Variants in SBNO1 observed in about 807,000 individuals in gnomAD.
SBNO1 encodes strawberry notch homolog 1.
In SBNO1, 23 loss-of-function variants were observed where a neutral mutation model predicts 173.6. The observed-to-expected ratio is 0.13, with a 90% CI of 0.10 to 0.19. SBNO1 has a LOEUF of 0.19. Ranked by LOEUF, SBNO1 falls within the 10% of genes least tolerant of loss-of-function variation. The pLI is 1.00. For synonymous variants in SBNO1, 632 were observed against 571.5 expected, an observed-to-expected ratio of 1.11 and a Z score of -1.51; for missense variants, 1,238 against 1,671.2, an observed-to-expected ratio of 0.74 and a Z score of 4.52.
intron 29 of SBNO1, among the ~76,000 whole-genome samples, chr12:123,304,245 T>G (rs1250840929): frequency 6.6e-6 from 1 of 151,750 alleles, no homozygotes; most frequent in Non-Finnish European, 1.5e-5. Flanking sequence ...TAAGTATTCT[T>G]TTTTTTGAGA....
At position 123,320,710 on chromosome 12, in the gene SBNO1, T is replaced by A; in HGVS notation, c.2480A>T (p.Asn827Ile). The A allele has an allele frequency of 6.2e-7, 1 of 1,607,572 alleles. No individual in the cohort carries two copies. Among genetic ancestry groups the A allele is most frequent in the Non-Finnish European group, 8.5e-7 (1 of 1,178,318 alleles). Residue 827 changes from asparagine (N) to isoleucine (I), a missense_variant, in exon 18 of 32, where the codon AAC becomes ATC. This residue lies in a region of SBNO1 where 74 missense variants were observed against 68.5 expected (regional missense o/e 1.08). Transcript: ENST00000602398. ...SSTPVISPAPNSTPANSNTNS... is the reference protein window; with the variant it reads ...SSTPVISPAPISTPANSNTNS... ...TTCTGTATGGATACCTGGTGTACTG[T>A]TAGGAGCAGGTGAGATAACTGGTGT...
intron 1 of SBNO1, among the ~76,000 whole-genome samples, chr12:123,353,379 C>T (rs961445248): frequency 2.0e-5 from 3 of 152,114 alleles, no homozygotes; most frequent in South Asian, 2.1e-4. Flanking sequence ...CTCCCAAAAT[C>T]CACGAAGTTT....
intron 24 of SBNO1, among the ~76,000 whole-genome samples, chr12:123,312,300 T>C (rs549198646): frequency 6.2e-4 from 94 of 152,308 alleles, no homozygotes; most frequent in African/African-American, 2.0e-3. Context: ...GTTAAGACTT[T>C]ACTGCTTTTG....
At chr12:123,303,922 CT>C (rs11413728) in intron 29 of SBNO1, among the ~76,000 whole-genome samples, 77 of 100,458 alleles carry the variant, frequency 7.7e-4, no homozygotes, top group African/African-American at 2.4e-3. Context: ...AATAAGTATT[CT>C]TTTTTTTTTT....
At chr12:123,322,809 G>A (rs1870141751) in intron 16 of SBNO1, among the ~76,000 whole-genome samples, 1 of 151,496 alleles carries the variant, frequency 6.6e-6, no homozygotes, top group Non-Finnish European at 1.5e-5. Context: ...GAACCCAGGA[G>A]GCAGAGGTTG....
At chr12:123,354,743 A>G (rs1874241012) in intron 1 of SBNO1, among the ~76,000 whole-genome samples, 1 of 152,212 alleles carries the variant, frequency 6.6e-6, no homozygotes, top group African/African-American at 2.4e-5. Context: ...AAATACTGTT[A>G]GGTACAAGAG....
Position 123,327,181 on chromosome 12 carries a change from T to C in SBNO1, c.1692+245A>G, listed in dbSNP as rs148870929. On this transcript the variant is annotated intron_variant, in intron 13 of 31. Transcript: ENST00000602398. The stretch of plus-strand genomic sequence containing the variant: ...ACCACCATGCCCAGCTAATTTTTTT[T>C]CGTATTTTTAGTAGAGATGAGGTTT... Among the ~76,000 whole-genome samples, 470 of 151,984 alleles carry C rather than the reference T, an allele frequency of 3.1e-3. 1 individual carries two copies. Among genetic ancestry groups the C allele is most frequent in the African/African-American group, 0.011 (455 of 41,442 alleles).
chr12:123,337,563 T>G (rs915325377), intron 5 of SBNO1, among the ~76,000 whole-genome samples: 1 of 152,124 alleles, frequency 6.6e-6, no homozygotes, highest in Non-Finnish European at 1.5e-5. Flanking sequence ...GGAAAAGAAG[T>G]GGGACATAAC....
chr12:123,320,334 A>C, intron 19 of SBNO1, 98 bp downstream of exon 19: 2 of 1,182,370 alleles, frequency 1.7e-6, no homozygotes, highest in Non-Finnish European at 2.4e-6. Flanking sequence ...TCTATGATCT[A>C]AGAAATTTAG....
chr12:123,307,020 T>TAAAAAAAAAAAAAA (rs34105162), intron 28 of SBNO1, among the ~76,000 whole-genome samples: 1 of 64,432 alleles, frequency 1.6e-5, no homozygotes, highest in East Asian at 7.3e-4. Context: ...TCAACTGCAT[T>TAAAAAAAAAAAAAA]AAAAAAAAAA....
In SBNO1 at chr12:123,289,193, G is replaced by T. The variant is rs1487094854; in HGVS notation, c.*6715C>A. On this transcript the variant is annotated 3_prime_UTR_variant, in exon 32 of 32. Transcript: ENST00000602398. ...ACAACAGAAAAAAAAACTAAATACA[G>T]AATTTGTTACGCTTCACGGTTGATC... The T allele has an allele frequency of 1.3e-5, 2 of 152,086 alleles. No homozygotes were observed. Among genetic ancestry groups the T allele is most frequent in the Non-Finnish European group, 2.9e-5 (2 of 68,014 alleles). The allele number at this position is 152,086 out of a possible 1,614,324, so 9.4% of individuals were successfully genotyped here. A position where few individuals can be genotyped will look rare whatever the true frequency, so the allele number is the denominator to read the frequency against.
chr12:123,300,981 A>C (rs1425039499), intron 30 of SBNO1, among the ~76,000 whole-genome samples: 1 of 121,606 alleles, frequency 8.2e-6, no homozygotes, highest in Admixed American at 8.2e-5. Flanking sequence ...AAAAAAAAAC[A>C]AAAAAAAAAC....
In SBNO1 at chr12:123,290,112, A is replaced by T. The variant is rs1385954229; in HGVS notation, c.*5796T>A. Reference sequence around the variant, plus strand: ...CTGCACTAAGGGGCAGTCTTGCTGGACGGTGCCCTGCCACGTTGCGGCAGC... The same window carrying T: ...CTGCACTAAGGGGCAGTCTTGCTGGTCGGTGCCCTGCCACGTTGCGGCAGC... On this transcript the variant is annotated 3_prime_UTR_variant, in exon 32 of 32. Coordinates refer to ENST00000602398, the MANE Select transcript of SBNO1 (RefSeq NM_001167856.3). 3 of 152,238 alleles carry T rather than the reference A, an allele frequency of 2.0e-5. No homozygotes were observed. The allele number at this position is 152,238 out of a possible 1,614,324, so 9.4% of individuals were successfully genotyped here. A position where few individuals can be genotyped will look rare whatever the true frequency, so the allele number is the denominator to read the frequency against.
intron 21 of SBNO1, among the ~76,000 whole-genome samples, chr12:123,316,151 T>C (rs1301901795): frequency 6.8e-6 from 1 of 147,466 alleles, no homozygotes; most frequent in Non-Finnish European, 1.5e-5. Flanking sequence ...CAATGCATCA[T>C]ATACTATAAA....
At position 123,298,140 on chromosome 12, in the gene SBNO1, G is replaced by T. The variant is rs768673863; in HGVS notation, c.3877C>A (p.Leu1293Ile). 1 of 1,612,646 alleles carries T rather than the reference G, an allele frequency of 6.2e-7. No homozygotes were observed. The highest frequency in any genetic ancestry group is 8.5e-7 in the Non-Finnish European group (1 of 1,179,658). Residue 1293 changes from leucine to isoleucine, a missense_variant, in exon 31 of 32, where the codon CTA becomes ATA. By Grantham distance (5) the Leu-to-Ile change is conservative. Transcript: ENST00000602398. ...CAACGAAGACCTATTTCACAAACTA[G>T]CCCCAAGCTTGCTTTTTTGCAATTG... ...RGNCKKASLGLVCEIGLRCRT... is the reference protein window; with the variant it reads ...RGNCKKASLGIVCEIGLRCRT...
intron 16 of SBNO1, among the ~76,000 whole-genome samples, chr12:123,322,192 G>C (rs1016341124): frequency 6.6e-6 from 1 of 152,122 alleles, no homozygotes; most frequent in East Asian, 1.9e-4. Flanking sequence ...GAGTGCAGTG[G>C]CACAATCATA....
chr12:123,298,015 G>C lies in SBNO1; in HGVS notation c.4002C>G (p.Ile1334Met). Residue 1334 changes from isoleucine (I) to methionine (M), a missense_variant, in exon 31 of 32, where the codon ATC (isoleucine) becomes ATG (methionine). This residue lies in a region of SBNO1 where 351 missense variants were observed against 420.3 expected (regional missense o/e 0.84). Coordinates refer to ENST00000602398, the MANE Select transcript of SBNO1 (RefSeq NM_001167856.3). ...SVSGTNVKMQ[I>M]VRLRTEDGQR... ...GCCCATCTTCCGTTCTTAGCCGCAC[G>C]ATCTGCATCTTCACGTTTGTGCCAC... 1 of 1,614,010 alleles carries C rather than the reference G, an allele frequency of 6.2e-7. No individual in the cohort carries two copies. Among genetic ancestry groups the C allele is most frequent in the Non-Finnish European group, 8.5e-7 (1 of 1,179,998 alleles).
At chr12:123,338,623 T>G (rs1047795532) in intron 5 of SBNO1, among the ~76,000 whole-genome samples, 3 of 152,086 alleles carry the variant, frequency 2.0e-5, no homozygotes, top group African/African-American at 7.2e-5. Context: ...AAGGGGAGGT[T>G]GCAGTGAGCC....
At position 123,289,411 on chromosome 12, in the gene SBNO1, T is replaced by C. The variant is rs1177591407; in HGVS notation, c.*6497A>G. The C allele has an allele frequency of 6.6e-6, 1 of 152,184 alleles. No homozygotes were observed. The highest frequency in any genetic ancestry group is 6.5e-5 in the Admixed American group (1 of 15,278). The allele number at this position is 152,184 out of a possible 1,614,324, so 9.4% of individuals were successfully genotyped here. On this transcript the variant is annotated 3_prime_UTR_variant, in exon 32 of 32. Transcript: ENST00000602398. ...GGAACAGGGCGCACCCTTCACACAC[T>C]GATGGACACGCTACAACAGGAGCGA...
Sources: gnomAD v4.1 joint callset for allele counts (sites outside exome capture counted in the v4.1 genomes callset) on GRCh38, gnomAD v4.1.1 for gene constraint, gnomAD v4.1.1 regional missense constraint, MANE v1.5 for transcripts, NCBI Gene and HGNC (gene_info 2026-07-23, HGNC 2026-07-21) for gene names.